The following GSE1 variants were observed in gnomAD, a reference collection of about 807,000 sequenced individuals.
GSE1 encodes the protein Gse1 coiled-coil protein.
GSE1 carries 32 observed loss-of-function variants against 112.6 expected under a neutral mutation model. That is an observed-to-expected ratio of 0.28 (90% confidence interval 0.21 to 0.38). GSE1 has a LOEUF of 0.38. Ranked by LOEUF, GSE1 falls within the 10% of genes least tolerant of loss-of-function variation. GSE1 has a pLI of 1.00. For synonymous variants in GSE1, 1,115 were observed against 735.6 expected (o/e 1.52, Z -8.35); for missense variants, 2,348 against 1,699.2 (o/e 1.38, Z -6.71).
chr16:85,610,402 AAG>A (rs995619216), upstream of GSE1, among the ~76,000 whole-genome samples: 4 of 152,156 alleles, frequency 2.6e-5, no homozygotes, highest in African/African-American at 4.8e-5. Flanking sequence ...GCTGCTTAGG[AAG>A]AGAGAGGAGG....
intron 1 of GSE1, among the ~76,000 whole-genome samples, chr16:85,172,689 T>G (rs1300821836): frequency 6.6e-6 from 1 of 152,240 alleles, no homozygotes; most frequent in Non-Finnish European, 1.5e-5. Flanking sequence ...GCGACTTGTT[T>G]TAATCAAACG....
Position 85,373,591 on chromosome 16 carries a change from T to C in GSE1, c.2464+15948T>C, listed in dbSNP as rs2047347667. Among the ~76,000 whole-genome samples the C allele has an allele frequency of 6.6e-6, 1 of 152,174 alleles. No individual in the cohort carries two copies. The highest frequency in any genetic ancestry group is 2.1e-4 in the South Asian group (1 of 4,830). Reference sequence around the variant, plus strand: ...GGATTCAGTGACCGCATCGCTACTATGTGTCCTCCCAGCCTGGAGTGAGTG... The same window carrying C: ...GGATTCAGTGACCGCATCGCTACTACGTGTCCTCCCAGCCTGGAGTGAGTG... On this transcript the variant is annotated intron_variant, in intron 2 of 2. Coordinates refer to the GSE1 transcript ENST00000637419. The surrounding 1 kb of genome is among the most constrained non-coding windows in gnomAD (Gnocchi z 5.1).
chr16:85,256,454 C>T (rs1044279984), intron 1 of GSE1, among the ~76,000 whole-genome samples: 5 of 152,228 alleles, frequency 3.3e-5, no homozygotes, highest in East Asian at 1.9e-4. Context: ...GGACTGTTCT[C>T]GTTGCCTTGG....
chr16:85,310,129 C>G (rs887270582), intron 1 of GSE1, among the ~76,000 whole-genome samples: 3 of 152,180 alleles, frequency 2.0e-5, no homozygotes, highest in Non-Finnish European at 4.4e-5. Flanking sequence ...CTAGGGGCAC[C>G]ACGCAGGCCT....
intron 1 of GSE1, among the ~76,000 whole-genome samples, chr16:85,232,045 C>T (rs1019874337): frequency 6.6e-5 from 10 of 152,228 alleles, no homozygotes; most frequent in African/African-American, 2.4e-4. Flanking sequence ...GCCAGGCTCA[C>T]TCCCCCACAG....
intron 2 of GSE1, among the ~76,000 whole-genome samples, chr16:85,462,135 T>G (rs1475620537): frequency 6.6e-6 from 1 of 151,972 alleles, no homozygotes; most frequent in Admixed American, 6.5e-5. Flanking sequence ...ACACACACCC[T>G]CTGTCCCCAG....
chr16:85,400,716 G>T (rs974868352), intron 2 of GSE1, among the ~76,000 whole-genome samples: 15 of 151,438 alleles, frequency 9.9e-5, no homozygotes, highest in Admixed American at 9.9e-4. Flanking sequence ...GTATGTGTCT[G>T]TGTCTCTGTG....
chr16:85,170,012 G>A (rs2074332611), exon 1 of GSE1: 1 of 984,452 alleles, frequency 1.0e-6, no homozygotes, highest in African/African-American at 1.8e-5. Flanking sequence ...CGGCTGCGCG[G>A]GGCCGCGGAG....
At chr16:85,636,989 G>A (rs982279205) in intron 2 of GSE1, among the ~76,000 whole-genome samples, 8 of 152,224 alleles carry the variant, frequency 5.3e-5, no homozygotes, top group Non-Finnish European at 8.8e-5. Context: ...AACCTTTGGC[G>A]GACTTGGCAG....
In GSE1 at chr16:85,272,485, C is replaced by A. The variant is rs186988701; in HGVS notation, c.2284-84978C>A. Reference sequence around the variant, plus strand: ...TTTGGTGAGATCTTTCTACATGTCACCCTTCGGCCATAGGTGGCATTCTCC... The same window carrying A: ...TTTGGTGAGATCTTTCTACATGTCAACCTTCGGCCATAGGTGGCATTCTCC... On this transcript the variant is annotated intron_variant, in intron 1 of 2. Transcript: ENST00000637419. Among the ~76,000 whole-genome samples the A allele has an allele frequency of 7.2e-5, 11 of 152,310 alleles. No individual in the cohort carries two copies. In the South Asian group the frequency reaches 8.3e-4, roughly 11 times the overall value.
intron 1 of GSE1, among the ~76,000 whole-genome samples, chr16:85,577,681 C>T (rs1483173088): frequency 2.6e-5 from 4 of 152,150 alleles, no homozygotes; most frequent in Non-Finnish European, 1.5e-5. Flanking sequence ...GTCCTGATCA[C>T]CCATCCTAGG....
chr16:85,314,422 G>A (rs1330894491), intron 1 of GSE1, among the ~76,000 whole-genome samples: 1 of 152,206 alleles, frequency 6.6e-6, no homozygotes, highest in East Asian at 1.9e-4. Flanking sequence ...GCATCTGTGT[G>A]GGGCTGTGGG....
chr16:85,554,287 G>A (rs1435445426), upstream of GSE1, among the ~76,000 whole-genome samples: 1 of 152,158 alleles, frequency 6.6e-6, no homozygotes, highest in East Asian at 1.9e-4. Context: ...ATCACATGGG[G>A]CCTTCTTGAG....
At chr16:85,170,397 C>A (rs966423108) in exon 1 of GSE1, 12 of 985,404 alleles carry the variant, frequency 1.2e-5, no homozygotes, top group Non-Finnish European at 1.4e-5. Flanking sequence ...CTGCAGACGG[C>A]ATGAAAGGGC....
intron 2 of GSE1, among the ~76,000 whole-genome samples, chr16:85,361,085 A>T (rs1486392038): frequency 1.3e-5 from 2 of 151,772 alleles, no homozygotes; most frequent in Non-Finnish European, 2.9e-5. Flanking sequence ...GTACCCCCAC[A>T]AACACACAGA....
intron 1 of GSE1, among the ~76,000 whole-genome samples, chr16:85,205,132 TA>T (rs576577005): frequency 2.6e-3 from 388 of 152,146 alleles, no homozygotes; most frequent in African/African-American, 9.0e-3. Flanking sequence ...TTTATTTATT[TA>T]TTTTTTATTT....
upstream of GSE1, among the ~76,000 whole-genome samples, chr16:85,611,113 G>C (rs2151533801): frequency 6.6e-6 from 1 of 152,352 alleles, no homozygotes; most frequent in Non-Finnish European, 1.5e-5. Context: ...GTGTCTACCC[G>C]GCCAGGTGCG....
At chr16:85,194,058 C>T (rs1446604849) in intron 1 of GSE1, among the ~76,000 whole-genome samples, 1 of 152,208 alleles carries the variant, frequency 6.6e-6, no homozygotes. Flanking sequence ...GAAGGCCTTG[C>T]CCAGGCTCAT....
At chr16:85,361,454 C>T (rs1174036490) in intron 2 of GSE1, among the ~76,000 whole-genome samples, 1 of 152,234 alleles carries the variant, frequency 6.6e-6, no homozygotes, top group Non-Finnish European at 1.5e-5. Context: ...ACAGCCCCGT[C>T]TCCCTCTTTC....
Sources: gnomAD v4.1 joint callset for allele counts (sites outside exome capture counted in the v4.1 genomes callset) on GRCh38, gnomAD v4.1.1 for gene constraint, Gnocchi (gnomAD v3.1) non-coding constraint, MANE v1.5 for transcripts, NCBI Gene and HGNC (gene_info 2026-07-23, HGNC 2026-07-21) for gene names.